The following TTI2 variants were observed in gnomAD, a reference collection of about 807,000 sequenced individuals.
TTI2 encodes TELO2-interacting protein 2.
A neutral mutation model predicts 44.9 loss-of-function variants in TTI2; 26 were observed. That is an observed-to-expected ratio of 0.58 (90% confidence interval 0.42 to 0.80). The LOEUF (loss-of-function observed/expected upper bound fraction) is 0.80, where lower values mean the gene tolerates loss of function less well. TTI2 is among the 30% of genes least tolerant of loss of function. TTI2 has a pLI of 0.00. For synonymous variants in TTI2, 254 were observed against 250.9 expected (o/e 1.01, Z -0.12); for missense variants, 582 against 611.6 (o/e 0.95, Z 0.51).
At chr8:33,503,599 C>T in intron 5 of TTI2, 27 bp from the exon 6 acceptor site, 2 of 1,612,888 alleles carry the variant, frequency 1.2e-6, no homozygotes, top group Non-Finnish European at 1.7e-6. Context: ...AAATATGACG[C>T]CAGTGCAGTG....
At position 33,512,561 on chromosome 8, in the gene TTI2, G is replaced by T; in HGVS notation, c.53C>A (p.Ser18Tyr). Residue 18 changes from serine to tyrosine, a missense_variant, in exon 2 of 8, where the codon TCC (serine) becomes TAC (tyrosine). By Grantham distance (144) the Ser-to-Tyr change is moderately radical. Coordinates refer to ENST00000431156, the MANE Select transcript of TTI2 (RefSeq NM_001102401.4). ...AAAGGCGGAGTGAGACAACTCCTCG[G>T]ACAAATTAGAGTCTTCCTGCGATGG... ...EAPSQEDSNL[S>Y]EELSHSAFGQ... The T allele has an allele frequency of 6.2e-7, 1 of 1,614,032 alleles. No individual in the cohort carries two copies. The highest frequency in any genetic ancestry group is 1.1e-5 in the South Asian group (1 of 91,072).
At chr8:33,510,793 C>A (rs1809500821) in intron 2 of TTI2, among the ~76,000 whole-genome samples, 1 of 152,152 alleles carries the variant, frequency 6.6e-6, no homozygotes, top group Admixed American at 6.6e-5. Flanking sequence ...ATTCCGTGTT[C>A]CTGGTAAAAT....
At chr8:33,512,813 T>G (rs1809607140) in intron 1 of TTI2, 101 bp from the exon 2 acceptor site, 1 of 552,790 alleles carries the variant, frequency 1.8e-6, no homozygotes, top group Non-Finnish European at 3.1e-6. Flanking sequence ...AGGCGGAGTT[T>G]GCAGTGAGCC....
intron 2 of TTI2, among the ~76,000 whole-genome samples, chr8:33,511,532 G>GT (rs1809527650): frequency 6.6e-6 from 1 of 152,090 alleles, no homozygotes; most frequent in Non-Finnish European, 1.5e-5. Context: ...GAGATCCGTG[G>GT]TTACAGCACC....
At position 33,507,273 on chromosome 8, in the gene TTI2, C is replaced by A; in HGVS notation, c.883G>T (p.Ala295Ser). Reference protein sequence around the residue: ...QYNRAQVLYHAISNHLYTPEH... With the variant: ...QYNRAQVLYHSISNHLYTPEH... ...GGTGTGTACAGGTGGTTGGAAATGG[C>A]ATGGTATAGGACCTGGGCTCTGTTA... The change falls in exon 4 of 8, where the codon GCC (alanine) becomes TCC (serine). Residue 295 changes from alanine to serine, a missense_variant. Physicochemically the swap from Ala to Ser is moderately conservative, Grantham distance 99. Coordinates refer to ENST00000431156, the MANE Select transcript of TTI2 (RefSeq NM_001102401.4). The A allele has an allele frequency of 6.2e-7, 1 of 1,614,162 alleles. No individual in the cohort carries two copies. The highest frequency in any genetic ancestry group is 8.5e-7 in the Non-Finnish European group (1 of 1,180,022).
chr8:33,503,905 G>A lies in TTI2; in HGVS notation c.958C>T (p.Pro320Ser), dbSNP rs1809200029. The change falls in exon 5 of 8, where the codon CCC becomes TCC. Residue 320 changes from proline to serine, a missense_variant. Physicochemically the swap from Pro to Ser is moderately conservative, Grantham distance 74 (BLOSUM62 -1). Coordinates refer to ENST00000431156, the MANE Select transcript of TTI2 (RefSeq NM_001102401.4). Reference protein sequence around the residue: ...AVLLCLLDLFPILEKTLHWKG... With the variant: ...AVLLCLLDLFSILEKTLHWKG... ...CAGTGCAGGGTTTTCTCCAGGATGG[G>A]GAATAAATCCAGCAGACACAGGAGC... 1 of 1,613,898 alleles carries A rather than the reference G, an allele frequency of 6.2e-7. No individual in the cohort carries two copies. Among genetic ancestry groups the A allele is most frequent in the Admixed American group, 1.7e-5 (1 of 59,956 alleles).
chr8:33,508,536 G>A lies in TTI2; in HGVS notation c.834+1210C>T, dbSNP rs1233286195. On this transcript the variant is annotated intron_variant, in intron 3 of 7. Coordinates refer to ENST00000431156, the MANE Select transcript of TTI2 (RefSeq NM_001102401.4). ...TGACGCACAAGAATCGTTTGAACCC[G>A]GGAGGCAGAGGTTGCAGTGAGCTAA... 9.3e-5 allele frequency among the ~76,000 whole-genome samples: 14 copies of A among 150,860 alleles called. No homozygotes were observed. In the East Asian group the frequency reaches 2.7e-3, roughly 29 times the overall value.
chr8:33,503,128 CAAAAA>C (rs397973510), intron 6 of TTI2, among the ~76,000 whole-genome samples: 1 of 47,282 alleles, frequency 2.1e-5, no homozygotes. Context: ...GACTCCATTT[CAAAAA>C]AAAAAAAAAA....
At chr8:33,500,806 A>C in intron 6 of TTI2, 1 of 289,608 alleles carries the variant, frequency 3.5e-6, no homozygotes, top group Non-Finnish European at 6.6e-6. Context: ...CTCCCCAACC[A>C]AGGGCCTATA....
At chr8:33,509,513 A>T (rs1809441120) in intron 3 of TTI2, among the ~76,000 whole-genome samples, 3 of 151,810 alleles carry the variant, frequency 2.0e-5, no homozygotes, top group African/African-American at 4.8e-5. Flanking sequence ...AGTTCTCAAC[A>T]TCTGGTTATT....
intron 6 of TTI2, among the ~76,000 whole-genome samples, chr8:33,503,141 A>C (rs143924740): frequency 9.1e-4 from 26 of 28,606 alleles, no homozygotes; most frequent in Non-Finnish European, 2.1e-3. Context: ...AAAAAAAAAA[A>C]AAAAAAACAA....
chr8:33,507,275 T>G lies in TTI2; in HGVS notation c.881A>C (p.His294Pro). ...TGTGTACAGGTGGTTGGAAATGGCA[T>G]GGTATAGGACCTGGGCTCTGTTATA... The part of the protein sequence containing the change: ...LQYNRAQVLY[H>P]AISNHLYTPE... Residue 294 changes from histidine (H) to proline (P), a missense_variant, in exon 4 of 8, where the codon CAT becomes CCT. His to Pro is a moderately conservative substitution (Grantham distance 77, BLOSUM62 -2). Transcript: ENST00000431156. The G allele has an allele frequency of 1.2e-6, 2 of 1,614,194 alleles. No individual in the cohort carries two copies. Among genetic ancestry groups the G allele is most frequent in the Non-Finnish European group, 1.7e-6 (2 of 1,180,012 alleles).
At position 33,512,397 on chromosome 8, in the gene TTI2, C is replaced by G; in HGVS notation, c.217G>C (p.Ala73Pro). 6.2e-7 allele frequency: 1 copy of G among 1,614,094 alleles called. No individual in the cohort carries two copies. Among genetic ancestry groups the G allele is most frequent in the Non-Finnish European group, 8.5e-7 (1 of 1,179,956 alleles). ...GTCTCCGGCATTCCGCGGAGCCGTG[C>G]ACCAGTCCCCTCAAATAACCTATCA... Reference protein sequence around the residue: ...EFDRLFEGTGARLRGMPETLG... With the variant: ...EFDRLFEGTGPRLRGMPETLG... Residue 73 changes from alanine (A) to proline (P), a missense_variant, in exon 2 of 8, where the codon GCA becomes CCA. By Grantham distance (27) the Ala-to-Pro change is conservative. Transcript: ENST00000431156.
intron 4 of TTI2, among the ~76,000 whole-genome samples, chr8:33,505,189 C>T (rs1408290981): frequency 6.6e-6 from 1 of 152,042 alleles, no homozygotes; most frequent in African/African-American, 2.4e-5. Context: ...CGCCACTGTA[C>T]TCCGGCCTGC....
At chr8:33,511,452 G>T (rs1193603833) in intron 2 of TTI2, among the ~76,000 whole-genome samples, 1 of 151,772 alleles carries the variant, frequency 6.6e-6, no homozygotes, top group Non-Finnish European at 1.5e-5. Flanking sequence ...GAACATCTCA[G>T]TTATGACCTC....
chr8:33,512,314 T>C lies in TTI2; in HGVS notation c.300A>G (p.Glu100=). Residue 100 remains glutamate (E), a synonymous_variant, in exon 2 of 8, where the codon GAA becomes GAG. Coordinates refer to ENST00000431156, the MANE Select transcript of TTI2 (RefSeq NM_001102401.4). ...EKYAAPSKEE[E]GGGDGHSEAA... ...CTTCGGAGTGCCCATCACCTCCACC[T>C]TCCTCCTCCTTGGAGGGGGCTGCAT... 6.2e-7 allele frequency: 1 copy of C among 1,614,164 alleles called. No individual in the cohort carries two copies. Among genetic ancestry groups the C allele is most frequent in the Non-Finnish European group, 8.5e-7 (1 of 1,180,026 alleles).
Position 33,511,933 on chromosome 8 carries a change from G to C in TTI2, c.647+34C>G, listed in dbSNP as rs1436672642. 5.6e-6 allele frequency: 9 copies of C among 1,610,290 alleles called. No homozygotes were observed. In the Admixed American group the frequency reaches 1.0e-4, roughly 18 times the overall value. ...AAAAATAAAAATAAAAAACTGTGAG[G>C]CTCAAGTCGGTGGCAAAGGGCAGGA... On this transcript the variant is annotated intron_variant, in intron 2 of 7. Transcript: ENST00000431156.
Position 33,509,822 on chromosome 8 carries a change from A to G in TTI2, c.758T>C (p.Leu253Ser), listed in dbSNP as rs1809452090. ...AGTCTGATAGTCATCTGAAATGACC[A>G]ATGATGCGGGAAGTACCCTTTCCAG... is the stretch of plus-strand genomic sequence containing the variant. ...QHLERVLPAS[L>S]VISDDYQTEN... is the part of the protein sequence containing the mutation. The change falls in exon 3 of 8, where the codon TTG becomes TCG. Residue 253 changes from leucine (L) to serine (S), a missense_variant. Physicochemically the swap from Leu to Ser is moderately radical, Grantham distance 145. Coordinates refer to ENST00000431156, the MANE Select transcript of TTI2 (RefSeq NM_001102401.4). The G allele has an allele frequency of 6.2e-7, 1 of 1,614,160 alleles. No individual in the cohort carries two copies. The highest frequency in any genetic ancestry group is 8.5e-7 in the Non-Finnish European group (1 of 1,180,024).
rs914290010 is a variant in TTI2 at position 33,512,101 on chromosome 8, A to C, written c.513T>G (p.Val171=). ...QPWTTPRSRE[V]AREVLTSLLQ... Reference sequence around the variant, plus strand: ...GCAGTGAGGTGAGCACCTCCCTAGCAACTTCCCGAGATCTCGGAGTGGTCC... The same window carrying C: ...GCAGTGAGGTGAGCACCTCCCTAGCCACTTCCCGAGATCTCGGAGTGGTCC... The change falls in exon 2 of 8, where the codon GTT becomes GTG. Residue 171 remains valine, a synonymous_variant. Coordinates refer to ENST00000431156, the MANE Select transcript of TTI2 (RefSeq NM_001102401.4). The C allele has an allele frequency of 6.2e-7, 1 of 1,613,926 alleles. No individual in the cohort carries two copies.
Sources: gnomAD v4.1 joint callset for allele counts (sites outside exome capture counted in the v4.1 genomes callset) on GRCh38, gnomAD v4.1.1 for gene constraint, MANE v1.5 for transcripts, NCBI Gene and HGNC (gene_info 2026-07-23, HGNC 2026-07-21) for gene names.